PBX3: variants seen among roughly 807,000 people sequenced by gnomAD.
PBX3 encodes the protein PBX homeobox 3.
In PBX3, 14 loss-of-function variants were observed where a neutral mutation model predicts 48.5. The ratio of observed to expected loss-of-function variants is 0.29; its 90% confidence interval spans 0.19 to 0.45. PBX3 has a LOEUF of 0.45. Ranked by LOEUF, PBX3 falls within the 20% of genes least tolerant of loss-of-function variation. PBX3 has a pLI of 1.00. For synonymous variants in PBX3, 210 were observed against 200.3 expected, an observed-to-expected ratio of 1.05 and a Z score of -0.41; for missense variants, 386 against 546.7, an observed-to-expected ratio of 0.71 and a Z score of 2.93.
intron 4 of PBX3, among the ~76,000 whole-genome samples, chr9:125,931,486 T>G (rs1841713658): frequency 6.6e-6 from 1 of 152,128 alleles, no homozygotes; most frequent in African/African-American, 2.4e-5. Flanking sequence ...TTTGTAGAGA[T>G]GGTGTTTCAC....
chr9:125,965,065 C>T (rs1842503865), intron 8 of PBX3, among the ~76,000 whole-genome samples: 2 of 152,194 alleles, frequency 1.3e-5, no homozygotes, highest in South Asian at 4.1e-4. Flanking sequence ...TCCTGACTGA[C>T]ATAAAAATAT....
At chr9:125,950,959 G>A (rs758294801) in intron 5 of PBX3, among the ~76,000 whole-genome samples, 17 of 152,110 alleles carry the variant, frequency 1.1e-4, no homozygotes, top group African/African-American at 2.7e-4. Flanking sequence ...AATAATTTTC[G>A]AAACTTGTTT....
At chr9:125,772,932 T>C (rs1160598787) in intron 2 of PBX3, among the ~76,000 whole-genome samples, 1 of 152,132 alleles carries the variant, frequency 6.6e-6, no homozygotes, top group East Asian at 1.9e-4. Context: ...GAGTGATATA[T>C]GTGGATAAAT....
chr9:125,965,889 G>A lies in PBX3; in HGVS notation c.1271G>A (p.Gly424Asp), dbSNP rs1842522277. Residue 424 changes from glycine (G) to aspartate (D), a missense_variant, in exon 9 of 9, where the codon GGC (glycine) becomes GAC (aspartate). This residue lies in a region of PBX3 where 127 missense variants were observed against 143.3 expected (regional missense o/e 0.89). Transcript: ENST00000373489. ...TPSSVTSPTE[G>D]PGSVHSDTSN is the part of the protein sequence containing the mutation. ...TCTTCTGTGACTTCTCCTACAGAAG[G>A]CCCAGGAAGTGTGCACTCGGATACC... 1 of 1,613,908 alleles carries A rather than the reference G, an allele frequency of 6.2e-7. No homozygotes were observed. Among genetic ancestry groups the A allele is most frequent in the Admixed American group, 1.7e-5 (1 of 60,004 alleles).
intron 2 of PBX3, among the ~76,000 whole-genome samples, chr9:125,878,431 G>T (rs1023127034): frequency 3.3e-5 from 5 of 152,192 alleles, no homozygotes; most frequent in African/African-American, 1.2e-4. Context: ...TCCTGATTAG[G>T]CCTCCGGCTG....
At chr9:125,913,604 T>G (rs1269037820) in intron 2 of PBX3, among the ~76,000 whole-genome samples, 3 of 152,176 alleles carry the variant, frequency 2.0e-5, no homozygotes, top group Non-Finnish European at 4.4e-5. Context: ...TCATTGAGCT[T>G]CTTCTCTTGT....
intron 3 of PBX3, among the ~76,000 whole-genome samples, chr9:125,920,438 C>T (rs1391676636): frequency 1.3e-5 from 2 of 152,172 alleles, no homozygotes; most frequent in African/African-American, 4.8e-5. Flanking sequence ...CTTGGTTCCT[C>T]CACCACCCTA....
intron 2 of PBX3, among the ~76,000 whole-genome samples, chr9:125,802,674 AT>A (rs34242809): frequency 0.71 from 106,592 of 149,946 alleles, 38,197 homozygotes; most frequent in African/African-American, 0.81. Flanking sequence ...TGGCCAATAC[AT>A]TTTTTTTTTG....
intron 2 of PBX3, among the ~76,000 whole-genome samples, chr9:125,851,925 C>T (rs1246883231): frequency 1.3e-5 from 2 of 148,794 alleles, no homozygotes; most frequent in Admixed American, 6.7e-5. Flanking sequence ...TATTAGCCTC[C>T]CTTAGATGTG....
chr9:125,897,146 T>C (rs1383694872), intron 2 of PBX3, among the ~76,000 whole-genome samples: 4 of 144,554 alleles, frequency 2.8e-5, no homozygotes, highest in Non-Finnish European at 6.1e-5. Context: ...TTGTGGTTTT[T>C]TTTTTTTTTT....
intron 2 of PBX3, among the ~76,000 whole-genome samples, chr9:125,832,202 C>CTT (rs71376115): frequency 3.3e-4 from 48 of 147,326 alleles, no homozygotes; most frequent in South Asian, 6.4e-4. Flanking sequence ...TCTTTTCTTT[C>CTT]TTTTTTTTTT....
At chr9:125,867,510 C>T (rs370120071) in intron 2 of PBX3, among the ~76,000 whole-genome samples, 1 of 151,488 alleles carries the variant, frequency 6.6e-6, no homozygotes, top group Non-Finnish European at 1.5e-5. Flanking sequence ...CATGGAGGTG[C>T]GCACCTGTAA....
chr9:125,754,968 C>T (rs904846545), intron 2 of PBX3, among the ~76,000 whole-genome samples: 2 of 152,174 alleles, frequency 1.3e-5, no homozygotes, highest in African/African-American at 4.8e-5. Context: ...GACAATAACT[C>T]TTTTTTAGTG....
At chr9:125,748,404 C>T in intron 1 of PBX3, 146 bp from the exon 2 acceptor site, 4 of 1,421,872 alleles carry the variant, frequency 2.8e-6, no homozygotes, top group Middle Eastern at 1.9e-4. Flanking sequence ...AACTAGTCAA[C>T]TGGAGTTTTT....
intron 5 of PBX3, among the ~76,000 whole-genome samples, chr9:125,941,006 T>A (rs10987053): frequency 3.9e-5 from 6 of 152,128 alleles, no homozygotes; most frequent in African/African-American, 1.4e-4. Flanking sequence ...CAAGCCTGCC[T>A]TCATGGAACT....
chr9:125,816,625 C>T (rs2132143968), intron 2 of PBX3, among the ~76,000 whole-genome samples: 1 of 152,264 alleles, frequency 6.6e-6, no homozygotes, highest in South Asian at 2.1e-4. Context: ...AGTTGCAGAA[C>T]TGGGATAGAG....
At chr9:125,848,581 A>G (rs1484930905) in intron 2 of PBX3, among the ~76,000 whole-genome samples, 3 of 152,076 alleles carry the variant, frequency 2.0e-5, no homozygotes, top group African/African-American at 7.2e-5. Flanking sequence ...CATTTAGAAT[A>G]GAAGACAAAT....
In PBX3 at chr9:125,966,250, G is replaced by A; in HGVS notation, c.*327G>A. Reference sequence around the variant, plus strand: ...AGTTGCCAATTACTTGGCCTTAAGGGTAAAAAGTACAATATACACTAAACC... The same window carrying A: ...AGTTGCCAATTACTTGGCCTTAAGGATAAAAAGTACAATATACACTAAACC... On this transcript the variant is annotated 3_prime_UTR_variant, in exon 9 of 9. Transcript: ENST00000373489. 5.2e-6 allele frequency: 1 copy of A among 192,528 alleles called. No individual in the cohort carries two copies. The allele number at this position is 192,528 out of a possible 1,614,324, so 11.9% of individuals were successfully genotyped here.
chr9:125,750,354 C>T (rs766211310), intron 2 of PBX3, among the ~76,000 whole-genome samples: 8 of 152,134 alleles, frequency 5.3e-5, no homozygotes, highest in African/African-American at 1.9e-4. Flanking sequence ...TTTGGCCTAG[C>T]TAGCTTGAGA....
Sources: gnomAD v4.1 joint callset for allele counts (sites outside exome capture counted in the v4.1 genomes callset) on GRCh38, gnomAD v4.1.1 for gene constraint, gnomAD v4.1.1 regional missense constraint, MANE v1.5 for transcripts, NCBI Gene and HGNC (gene_info 2026-07-23, HGNC 2026-07-21) for gene names.